The following VRK2 variants were observed in gnomAD, a reference collection of about 807,000 sequenced individuals.
VRK2 encodes VRK serine/threonine kinase 2.
In VRK2, 60 loss-of-function variants were observed where a neutral mutation model predicts 57.6. The observed-to-expected ratio is 1.04, with a 90% CI of 0.85 to 1.29. The LOEUF (loss-of-function observed/expected upper bound fraction) is 1.29. Among genes scored for constraint, VRK2 ranks in the 50% most tolerant of loss-of-function variants. The pLI, the probability that VRK2 is intolerant of heterozygous loss-of-function variation, is 0.00. For synonymous variants in VRK2, 231 were observed against 199.2 expected (o/e 1.16, Z -1.35); for missense variants, 705 against 588.1 (o/e 1.20, Z -2.06).
At position 57,956,667 on chromosome 2, in the gene VRK2, T is replaced by C. The variant is rs542034947; in HGVS notation, c.-439+48828T>C. Reference sequence around the variant, plus strand: ...CCATACTTAGTTCCAATTACAGGCATGTCTCAGAGGGCAAAAGCATGGATT... The same window carrying C: ...CCATACTTAGTTCCAATTACAGGCACGTCTCAGAGGGCAAAAGCATGGATT... On this transcript the variant is annotated intron_variant, in intron 1 of 15. Transcript: ENST00000417641. Among the ~76,000 whole-genome samples the C allele has an allele frequency of 3.3e-5, 5 of 152,292 alleles. No homozygotes were observed. The South Asian group carries it at 1.0e-3, about 32-fold the overall frequency.
intron 1 of VRK2, among the ~76,000 whole-genome samples, chr2:57,936,585 G>A (rs1255723216): frequency 1.3e-5 from 2 of 149,568 alleles, no homozygotes; most frequent in African/African-American, 5.0e-5. Flanking sequence ...CCAGGCTGGA[G>A]TGCAGTGGAG....
intron 12 of VRK2, among the ~76,000 whole-genome samples, chr2:58,151,187 A>G (rs1001881061): frequency 1.3e-5 from 2 of 151,734 alleles, no homozygotes; most frequent in African/African-American, 4.8e-5. Flanking sequence ...CACCAACTGT[A>G]ATTGTGAATT....
chr2:58,055,839 A>G (rs1209728617), intron 2 of VRK2, among the ~76,000 whole-genome samples: 1 of 152,208 alleles, frequency 6.6e-6, no homozygotes, highest in South Asian at 2.1e-4. Flanking sequence ...AAACCAAAGG[A>G]AAAAGTTTAG....
At chr2:58,036,793 G>A (rs1558552653) in intron 3 of VRK2, among the ~76,000 whole-genome samples, 2 of 151,954 alleles carry the variant, frequency 1.3e-5, no homozygotes, top group Non-Finnish European at 2.9e-5. Flanking sequence ...TAGTAGTGAT[G>A]TCCAACATAA....
At chr2:57,949,011 G>T (rs1295533318) in intron 1 of VRK2, among the ~76,000 whole-genome samples, 2 of 144,552 alleles carry the variant, frequency 1.4e-5, no homozygotes, top group African/African-American at 2.6e-5. Flanking sequence ...ATTGAGAATA[G>T]TAGTGGTAGA....
chr2:57,971,830 A>G (rs1237298442), intron 1 of VRK2, among the ~76,000 whole-genome samples: 1 of 151,956 alleles, frequency 6.6e-6, no homozygotes, highest in African/African-American at 2.4e-5. Context: ...TACATAGGAA[A>G]GGTAAAAACA....
chr2:57,961,663 A>T (rs980767699), intron 1 of VRK2, among the ~76,000 whole-genome samples: 2 of 124,208 alleles, frequency 1.6e-5, no homozygotes, highest in African/African-American at 6.3e-5. Context: ...TCAATAGTTG[A>T]CTATAATTCC....
At position 58,120,184 on chromosome 2, in the gene VRK2, C is replaced by CTTTTTTTTTTTTTTTTTTTTT. The variant is rs397868874; in HGVS notation, c.544-2913_544-2893dup. Among the ~76,000 whole-genome samples the CTTTTTTTTTTTTTTTTTTTTT allele has an allele frequency of 3.9e-3, 204 of 51,988 alleles. 25 individuals are homozygous for CTTTTTTTTTTTTTTTTTTTTT. Among genetic ancestry groups the CTTTTTTTTTTTTTTTTTTTTT allele is most frequent in the East Asian group, 5.2e-3 (9 of 1,746 alleles). 34.1% of individuals were successfully genotyped at this position (51,988 alleles called of 152,430 possible). On this transcript the variant is annotated intron_variant, in intron 7 of 12. Coordinates refer to ENST00000340157, the MANE Select transcript of VRK2 (RefSeq NM_006296.7). Reference sequence around the variant, plus strand: ...CTTTTTGTCTATTTTTTTTTCTTTTCTTTTTTTTTTTTTTTTTTTTTTTTG... The same window carrying CTTTTTTTTTTTTTTTTTTTTT: ...CTTTTTGTCTATTTTTTTTTCTTTTCTTTTTTTTTTTTTTTTTTTTTTTTTTTTTTTTTTTTTTTTTTTTTG...
chr2:58,155,100 C>T (rs1683603654), intron 12 of VRK2, among the ~76,000 whole-genome samples: 1 of 151,958 alleles, frequency 6.6e-6, no homozygotes, highest in South Asian at 2.1e-4. Context: ...ATGTATTTTC[C>T]TGTTTGGGGG....
intron 1 of VRK2, among the ~76,000 whole-genome samples, chr2:57,908,870 A>G (rs2103877775): frequency 6.6e-6 from 1 of 152,318 alleles, no homozygotes; most frequent in South Asian, 2.1e-4. Flanking sequence ...CAGAAGTGAA[A>G]CTTAACTTGG....
intron 2 of VRK2, 34 bp from the exon 3 acceptor site, chr2:58,084,055 A>G (rs944385959): frequency 6.2e-7 from 1 of 1,600,584 alleles, no homozygotes. Flanking sequence ...GGGAATAACT[A>G]TTTTTCTCCA....
At chr2:58,032,346 G>A (rs1028876525) in intron 2 of VRK2, among the ~76,000 whole-genome samples, 3 of 152,142 alleles carry the variant, frequency 2.0e-5, no homozygotes, top group East Asian at 1.9e-4. Context: ...TGGAGGGTGA[G>A]AACTCCAAGA....
chr2:58,041,214 T>G (rs1200665870), intron 3 of VRK2: 2 of 259,002 alleles, frequency 7.7e-6, no homozygotes, highest in East Asian at 1.8e-4. Context: ...GTTTGAGAGA[T>G]AATCTGATAC....
At chr2:57,926,187 A>G (rs999277105) in intron 1 of VRK2, among the ~76,000 whole-genome samples, 1 of 151,890 alleles carries the variant, frequency 6.6e-6, no homozygotes, top group Non-Finnish European at 1.5e-5. Context: ...TGAGGAAAAA[A>G]TGTATATCCT....
intron 1 of VRK2, among the ~76,000 whole-genome samples, chr2:57,928,862 CCAGA>C (rs996436912): frequency 2.6e-5 from 4 of 152,188 alleles, no homozygotes; most frequent in Non-Finnish European, 5.9e-5. Context: ...CTCTAGATTA[CCAGA>C]CAGAGATTTT....
intron 7 of VRK2, among the ~76,000 whole-genome samples, chr2:58,096,206 G>C (rs1573073543): frequency 6.6e-6 from 1 of 151,930 alleles, no homozygotes; most frequent in Non-Finnish European, 1.5e-5. Context: ...ATTTCATATT[G>C]ATATTCGTAA....
At chr2:57,973,648 G>A (rs1672161987) in intron 1 of VRK2, among the ~76,000 whole-genome samples, 1 of 151,850 alleles carries the variant, frequency 6.6e-6, no homozygotes, top group Non-Finnish European at 1.5e-5. Context: ...CAAAGCAGCA[G>A]TAAATTTTAG....
At chr2:57,956,850 T>A (rs1400538846) in intron 1 of VRK2, among the ~76,000 whole-genome samples, 1 of 152,188 alleles carries the variant, frequency 6.6e-6, no homozygotes, top group Non-Finnish European at 1.5e-5. Context: ...TTTTAAAATG[T>A]CTGCCATTGT....
intron 1 of VRK2, among the ~76,000 whole-genome samples, chr2:57,948,115 AT>A (rs1327456113): frequency 3.9e-5 from 6 of 152,198 alleles, no homozygotes; most frequent in Non-Finnish European, 5.9e-5. Context: ...AGGATGTTTT[AT>A]ATTCAAAGTG....
Sources: gnomAD v4.1 joint callset for allele counts (sites outside exome capture counted in the v4.1 genomes callset) on GRCh38, gnomAD v4.1.1 for gene constraint, MANE v1.5 for transcripts, NCBI Gene and HGNC (gene_info 2026-07-23, HGNC 2026-07-21) for gene names.